NRG1: variants seen among roughly 807,000 people sequenced by gnomAD.
The protein encoded by NRG1 is neuregulin 1, also known as pro-neuregulin-1, membrane-bound isoform.
In NRG1, 18 loss-of-function variants were observed where a neutral mutation model predicts 63.8. The ratio of observed to expected loss-of-function variants is 0.28; its 90% CI spans 0.19 to 0.42. The LOEUF (loss-of-function observed/expected upper bound fraction) is 0.42. Ranked by LOEUF, NRG1 falls within the 10% of genes least tolerant of loss-of-function variation. NRG1 has a pLI of 1.00. For missense variants in NRG1, 762 were observed against 814.7 expected (o/e 0.94, Z 0.79); for synonymous variants, 302 against 301.3 (o/e 1.00, Z -0.02).
intron 5 of NRG1, among the ~76,000 whole-genome samples, chr8:32,713,726 T>G (rs981778835): frequency 1.4e-5 from 2 of 146,754 alleles, no homozygotes; most frequent in South Asian, 2.1e-4. Context: ...ATTTATGTTA[T>G]AAATATATAA....
At chr8:31,931,502 C>A (rs1834859827) in intron 1 of NRG1, among the ~76,000 whole-genome samples, 1 of 152,098 alleles carries the variant, frequency 6.6e-6, no homozygotes, top group Non-Finnish European at 1.5e-5. Flanking sequence ...ATTATAATTA[C>A]AACTAAGAAT....
chr8:32,702,153 G>A (rs1169163862), intron 5 of NRG1, among the ~76,000 whole-genome samples: 2 of 152,096 alleles, frequency 1.3e-5, no homozygotes, highest in African/African-American at 2.4e-5. Context: ...AAAAAAAATC[G>A]ATAGGAAATG....
intron 2 of NRG1, among the ~76,000 whole-genome samples, chr8:32,597,474 G>A (rs1477613134): frequency 1.3e-5 from 2 of 152,120 alleles, no homozygotes; most frequent in South Asian, 2.1e-4. Context: ...AAAAGAAAGG[G>A]TTGTATCACT....
intron 1 of NRG1, among the ~76,000 whole-genome samples, chr8:32,054,809 G>T (rs540570814): frequency 7.6e-5 from 11 of 145,254 alleles, no homozygotes; most frequent in African/African-American, 2.8e-4. Flanking sequence ...CTAAACTTGG[G>T]TGTTTACTGC....
chr8:32,121,129 C>A (rs1563810104), intron 1 of NRG1, among the ~76,000 whole-genome samples: 1 of 151,972 alleles, frequency 6.6e-6, no homozygotes, highest in African/African-American at 2.4e-5. Context: ...ATAGGCAAGG[C>A]ATGTTAGTCA....
At chr8:32,005,823 T>C (rs1010799057) in intron 1 of NRG1, among the ~76,000 whole-genome samples, 4 of 152,002 alleles carry the variant, frequency 2.6e-5, no homozygotes, top group Non-Finnish European at 5.9e-5. Context: ...CTGATATCAG[T>C]TCCATTTTGT....
exon 1 of NRG1, chr8:31,639,332 C>T (rs1803505259): frequency 3.9e-6 from 6 of 1,528,658 alleles, no homozygotes; most frequent in Non-Finnish European, 4.4e-6. Flanking sequence ...AGGGAGGAGG[C>T]GCGCGGGGAC....
chr8:31,699,841 G>C (rs1381092241), intron 1 of NRG1, among the ~76,000 whole-genome samples: 2 of 152,116 alleles, frequency 1.3e-5, no homozygotes, highest in Non-Finnish European at 2.9e-5. Context: ...GAGTGGGAGA[G>C]GCAGAGGTGC....
rs947426396 is a variant in NRG1 at position 31,703,557 on chromosome 8, C to T, written c.37+64126C>T. 9.9e-5 allele frequency among the ~76,000 whole-genome samples: 15 copies of T among 152,242 alleles called. No homozygotes were observed. In the East Asian group the frequency reaches 2.9e-3, roughly 29 times the overall value. Reference sequence around the variant, plus strand: ...TCAAACAATTTATTGGACAATTGCACCATTTAAAATGAGTTACAAATGTCT... The same window carrying T: ...TCAAACAATTTATTGGACAATTGCATCATTTAAAATGAGTTACAAATGTCT... On this transcript the variant is annotated intron_variant, in intron 1 of 10. Coordinates refer to the NRG1 transcript ENST00000519301.
intron 1 of NRG1, among the ~76,000 whole-genome samples, chr8:32,564,776 T>C (rs1364777128): frequency 6.6e-5 from 10 of 152,138 alleles, no homozygotes; most frequent in Admixed American, 6.5e-4. Flanking sequence ...GATTTTGTCC[T>C]ATGGCTGGGC....
intron 1 of NRG1, among the ~76,000 whole-genome samples, chr8:32,402,615 A>T (rs1813361583): frequency 6.6e-6 from 1 of 152,094 alleles, no homozygotes; most frequent in East Asian, 1.9e-4. Flanking sequence ...CCATGGCAGT[A>T]TGGGGGTGCT....
intron 1 of NRG1, among the ~76,000 whole-genome samples, chr8:31,999,051 T>A (rs927364330): frequency 6.6e-6 from 1 of 151,900 alleles, no homozygotes; most frequent in Non-Finnish European, 1.5e-5. Context: ...AGTTCTTTTT[T>A]TTTTCTTTTC....
intron 1 of NRG1, among the ~76,000 whole-genome samples, chr8:31,695,455 C>A (rs1809963995): frequency 6.6e-6 from 1 of 152,164 alleles, no homozygotes; most frequent in Non-Finnish European, 1.5e-5. Flanking sequence ...CAAGCGTGAG[C>A]CACCATGCTC....
intron 1 of NRG1, among the ~76,000 whole-genome samples, chr8:32,564,151 A>G (rs1439287242): frequency 1.3e-5 from 2 of 152,220 alleles, no homozygotes; most frequent in Non-Finnish European, 2.9e-5. Context: ...TCATTATTAC[A>G]ATAATAATTA....
chr8:32,254,690 T>A (rs1482587627), intron 1 of NRG1, among the ~76,000 whole-genome samples: 1 of 152,230 alleles, frequency 6.6e-6, no homozygotes, highest in Non-Finnish European at 1.5e-5. Flanking sequence ...GTCCATTAAG[T>A]CTGCTTAGTC....
At chr8:32,498,086 G>T (rs1827429286) in intron 1 of NRG1, among the ~76,000 whole-genome samples, 1 of 152,134 alleles carries the variant, frequency 6.6e-6, no homozygotes, top group African/African-American at 2.4e-5. Context: ...GCCTCCCAAA[G>T]TACTGGGATT....
intron 1 of NRG1, among the ~76,000 whole-genome samples, chr8:32,400,864 C>T (rs978210461): frequency 1.3e-5 from 2 of 152,106 alleles, no homozygotes; most frequent in Admixed American, 6.6e-5. Context: ...TAGCACTGTC[C>T]GCAATAGCAA....
intron 1 of NRG1, among the ~76,000 whole-genome samples, chr8:32,142,836 G>A (rs776983755): frequency 4.6e-5 from 7 of 152,174 alleles, no homozygotes; most frequent in Non-Finnish European, 1.0e-4. Context: ...TGTCAGGCAT[G>A]TATTTTTTTA....
chr8:32,160,237 G>A (rs1838676157), intron 1 of NRG1, among the ~76,000 whole-genome samples: 2 of 152,214 alleles, frequency 1.3e-5, no homozygotes, highest in Non-Finnish European at 1.5e-5. Context: ...AATATGCAGA[G>A]TGAGGGAAAA....
Sources: allele counts gnomAD v4.1 joint callset (sites outside exome capture counted in the v4.1 genomes callset), GRCh38; gene constraint gnomAD v4.1.1; transcripts MANE v1.5; gene names NCBI Gene and HGNC (gene_info 2026-07-23, HGNC 2026-07-21).